Variants in EPHA7 observed in about 807,000 individuals in gnomAD.
The protein encoded by EPHA7 is EPH receptor A7, also known as ephrin type-A receptor 7.
Under a neutral mutation model 112.6 loss-of-function variants are expected in EPHA7, and 25 were observed. The ratio of observed to expected loss-of-function variants is 0.22; its 90% CI spans 0.16 to 0.31. EPHA7 has a LOEUF of 0.31. Ranked by LOEUF, EPHA7 falls within the 10% of genes least tolerant of loss-of-function variation. EPHA7 has a pLI of 1.00. For synonymous variants in EPHA7, 437 were observed against 406.5 expected (o/e 1.07, Z -0.90); for missense variants, 962 against 1,212.6 (o/e 0.79, Z 3.07).
At chr6:93,270,862 T>C (rs540965074) in intron 6 of EPHA7, among the ~76,000 whole-genome samples, 1 of 151,928 alleles carries the variant, frequency 6.6e-6, no homozygotes, top group African/African-American at 2.4e-5. Context: ...TACAATATAA[T>C]ACAATACAAT....
chr6:93,261,589 A>C (rs1051103616), intron 9 of EPHA7, among the ~76,000 whole-genome samples: 14 of 151,608 alleles, frequency 9.2e-5, no homozygotes, highest in Non-Finnish European at 3.0e-5. Context: ...TCATTTAAAA[A>C]TGAATGTTTT....
intron 8 of EPHA7, 64 bp downstream of exon 8, chr6:93,264,530 G>T: frequency 9.7e-7 from 1 of 1,027,832 alleles, no homozygotes; most frequent in Non-Finnish European, 1.5e-6. Context: ...TAAGTAATAG[G>T]CTGACATAAT....
chr6:93,374,370 A>G (rs1215192352), intron 3 of EPHA7, among the ~76,000 whole-genome samples: 6 of 152,158 alleles, frequency 3.9e-5, no homozygotes, highest in Non-Finnish European at 7.4e-5. Context: ...TCTATCATCT[A>G]TCTGTCTCAT....
In EPHA7 at chr6:93,297,360, T is replaced by G. The variant is rs560245802; in HGVS notation, c.1325-24938A>C. On this transcript the variant is annotated intron_variant, in intron 5 of 16. Coordinates refer to ENST00000369303, the MANE Select transcript of EPHA7 (RefSeq NM_004440.4). ...AGCTTATTTTTCTTTCTGAGGAAAA[T>G]GAATTTACTTATCTGCAGGATATTG... is the stretch of plus-strand genomic sequence containing the variant. Among the ~76,000 whole-genome samples the G allele has an allele frequency of 2.0e-5, 3 of 152,188 alleles. No individual in the cohort carries two copies. The South Asian group carries it at 6.2e-4, about 32-fold the overall frequency.
chr6:93,254,881 T>C (rs1770368106), intron 13 of EPHA7, 85 bp from the exon 14 acceptor site: 2 of 1,175,204 alleles, frequency 1.7e-6, no homozygotes, highest in Non-Finnish European at 2.3e-6. Flanking sequence ...ATATGTGCAT[T>C]TTTGGTTGGT....
At chr6:93,397,101 T>A (rs1778216094) in intron 3 of EPHA7, among the ~76,000 whole-genome samples, 1 of 151,686 alleles carries the variant, frequency 6.6e-6, no homozygotes. Flanking sequence ...TCTAGATGTA[T>A]CATTAACCGC....
At chr6:93,292,724 A>T (rs1392023959) in intron 5 of EPHA7, among the ~76,000 whole-genome samples, 6 of 152,216 alleles carry the variant, frequency 3.9e-5, no homozygotes, top group African/African-American at 1.4e-4. Context: ...ACATCATCAG[A>T]CAACTTTTCA....
At chr6:93,338,330 T>C (rs1774975989) in intron 5 of EPHA7, among the ~76,000 whole-genome samples, 1 of 152,096 alleles carries the variant, frequency 6.6e-6, no homozygotes. Context: ...GCAGGGTGTA[T>C]GTGTTAGTGT....
In EPHA7 at chr6:93,288,166, T is replaced by C. The variant is rs139514803; in HGVS notation, c.1325-15744A>G. 3.9e-5 allele frequency among the ~76,000 whole-genome samples: 6 copies of C among 152,144 alleles called. No individual in the cohort carries two copies. In the East Asian group the frequency reaches 9.7e-4, roughly 25 times the overall value. On this transcript the variant is annotated intron_variant, in intron 5 of 16. Coordinates refer to ENST00000369303, the MANE Select transcript of EPHA7 (RefSeq NM_004440.4). ...CAATATTATTCATATAGCCCAAAAG[T>C]GGAAACAACATAAAGGTTCATAAAC... is the stretch of plus-strand genomic sequence containing the variant.
rs550648827 is a variant in EPHA7 at position 93,388,271 on chromosome 6, G to A, written c.832+22230C>T. Among the ~76,000 whole-genome samples, 4 of 152,138 alleles carry A rather than the reference G, an allele frequency of 2.6e-5. No homozygotes were observed. The East Asian group carries it at 7.7e-4, about 29-fold the overall frequency. On this transcript the variant is annotated intron_variant, in intron 3 of 16. Transcript: ENST00000369303. ...TTTCACCATAAGGATATTCATAATA[G>A]TCTTAATCCCCTATTCTTGGACATT...
intron 5 of EPHA7, among the ~76,000 whole-genome samples, chr6:93,290,696 G>C (rs936421646): frequency 2.0e-5 from 3 of 152,032 alleles, no homozygotes; most frequent in African/African-American, 7.2e-5. Context: ...CTATAACCAA[G>C]GTTTGGCAGT....
chr6:93,369,182 A>C (rs1014808468), intron 3 of EPHA7, among the ~76,000 whole-genome samples: 14 of 2,484 alleles, frequency 5.6e-3, no homozygotes, highest in Non-Finnish European at 0.019. Flanking sequence ...AATAAAGGCC[A>C]CACACACACA....
In EPHA7 at chr6:93,397,570, T is replaced by C. The variant is rs113515395; in HGVS notation, c.832+12931A>G. 8.1e-3 allele frequency among the ~76,000 whole-genome samples: 1,230 copies of C among 152,026 alleles called. 21 individuals are homozygous for C. Among genetic ancestry groups the C allele is most frequent in the African/African-American group, 0.028 (1,170 of 41,534 alleles). ...CCCAAAGATGGGTCCAGGATAGTGT[T>C]ATGTGTTCAACTGACCTAAGCAGTC... On this transcript the variant is annotated intron_variant, in intron 3 of 16. Coordinates refer to ENST00000369303, the MANE Select transcript of EPHA7 (RefSeq NM_004440.4).
chr6:93,399,418 T>C (rs1562156786), intron 3 of EPHA7, among the ~76,000 whole-genome samples: 2 of 152,094 alleles, frequency 1.3e-5, no homozygotes, highest in East Asian at 3.9e-4. Context: ...TGAAGCAATA[T>C]TTAAAGATTT....
At chr6:93,272,221 C>A in intron 6 of EPHA7, 77 bp downstream of exon 6, 3 of 1,521,786 alleles carry the variant, frequency 2.0e-6, no homozygotes, top group African/African-American at 1.4e-5. Context: ...GCATAATGAC[C>A]AACTTTAGTC....
intron 14 of EPHA7, among the ~76,000 whole-genome samples, chr6:93,251,485 T>A (rs968871698): frequency 3.2e-4 from 47 of 147,878 alleles, no homozygotes; most frequent in South Asian, 1.4e-3. Flanking sequence ...GTTATTTTTT[T>A]AAAAATACTT....
At chr6:93,322,099 AG>A (rs1247237801) in intron 5 of EPHA7, among the ~76,000 whole-genome samples, 1 of 151,856 alleles carries the variant, frequency 6.6e-6, no homozygotes, top group African/African-American at 2.4e-5. Context: ...CTAAGCACAC[AG>A]GCTTTCACAC....
chr6:93,415,838 A>C (rs1779195257), intron 1 of EPHA7, among the ~76,000 whole-genome samples: 1 of 152,186 alleles, frequency 6.6e-6, no homozygotes, highest in South Asian at 2.1e-4. Context: ...ATGAACTTTT[A>C]ATAATTATAC....
At chr6:93,281,297 C>T (rs1771724541) in intron 5 of EPHA7, among the ~76,000 whole-genome samples, 1 of 152,108 alleles carries the variant, frequency 6.6e-6, no homozygotes, top group Non-Finnish European at 1.5e-5. Context: ...AAGAGAAATA[C>T]ACGGATGAAG....
Sources: allele counts gnomAD v4.1 joint callset (sites outside exome capture counted in the v4.1 genomes callset), GRCh38; gene constraint gnomAD v4.1.1; transcripts MANE v1.5; gene names NCBI Gene and HGNC (gene_info 2026-07-23, HGNC 2026-07-21).